EYS: variants seen among roughly 807,000 people sequenced by gnomAD.
EYS encodes the protein protein eyes shut homolog.
Under a neutral mutation model 282.1 loss-of-function variants are expected in EYS, and 250 were observed. That is an observed-to-expected ratio of 0.89 (90% confidence interval 0.80 to 0.98). The LOEUF (loss-of-function observed/expected upper bound fraction) is 0.98. Among genes scored for constraint, EYS ranks in the 50% least tolerant of loss-of-function variants. EYS has a pLI of 0.00. For synonymous variants in EYS, 1,355 were observed against 1,282.9 expected, an observed-to-expected ratio of 1.06 and a Z score of -1.20; for missense variants, 4,016 against 3,709.0, an observed-to-expected ratio of 1.08 and a Z score of -2.15.
chr6:64,238,791 T>C (rs1352093357), intron 30 of EYS, among the ~76,000 whole-genome samples: 1 of 152,210 alleles, frequency 6.6e-6, no homozygotes. Context: ...CTAGGGTATA[T>C]GTGCAGAATG....
chr6:64,890,591 C>A (rs1406285252), intron 18 of EYS, among the ~76,000 whole-genome samples: 1 of 152,080 alleles, frequency 6.6e-6, no homozygotes, highest in Non-Finnish European at 1.5e-5. Flanking sequence ...TGCTTCCATG[C>A]CCATCCTTCA....
rs576200216 is a variant in EYS at position 64,421,199 on chromosome 6, C to T, written c.5927+14975G>A. Among the ~76,000 whole-genome samples, 4 of 152,274 alleles carry T rather than the reference C, an allele frequency of 2.6e-5. No homozygotes were observed. The South Asian group carries it at 8.3e-4, about 32-fold the overall frequency. On this transcript the variant is annotated intron_variant, in intron 28 of 42. Transcript: ENST00000503581. Reference sequence around the variant, plus strand: ...TGGTGGGAGGGGAAGTAAACATGTCCTTCTTCACATGGCAGCAGGAAGGAG... The same window carrying T: ...TGGTGGGAGGGGAAGTAAACATGTCTTTCTTCACATGGCAGCAGGAAGGAG...
At chr6:65,425,790 G>A (rs1767637025) in intron 5 of EYS, among the ~76,000 whole-genome samples, 1 of 151,984 alleles carries the variant, frequency 6.6e-6, no homozygotes, top group Non-Finnish European at 1.5e-5. Flanking sequence ...TCTCTTCCTG[G>A]ATTTAACTGG....
At chr6:64,014,016 T>C (rs919975090) in intron 33 of EYS, among the ~76,000 whole-genome samples, 5 of 152,158 alleles carry the variant, frequency 3.3e-5, no homozygotes, top group African/African-American at 1.2e-4. Context: ...TGGTTTTTAG[T>C]AGTTTTAGGG....
At chr6:65,286,800 G>T (rs1402033526) in intron 12 of EYS, among the ~76,000 whole-genome samples, 1 of 151,624 alleles carries the variant, frequency 6.6e-6, no homozygotes, top group Non-Finnish European at 1.5e-5. Context: ...TGGGCTGCTT[G>T]ATATTTGATT....
chr6:63,768,686 AG>A (rs1284527147), intron 40 of EYS, among the ~76,000 whole-genome samples: 3 of 152,050 alleles, frequency 2.0e-5, no homozygotes, highest in Non-Finnish European at 1.5e-5. Flanking sequence ...TAAAGAACTT[AG>A]AACGACCATT....
intron 22 of EYS, among the ~76,000 whole-genome samples, chr6:64,755,867 C>T (rs1772920824): frequency 6.6e-6 from 1 of 152,068 alleles, no homozygotes. Flanking sequence ...TGTAATAAAG[C>T]TGCACTTGTA....
intron 2 of EYS, among the ~76,000 whole-genome samples, chr6:65,599,434 CT>C (rs745828341): frequency 6.6e-6 from 1 of 152,012 alleles, no homozygotes; most frequent in Non-Finnish European, 1.5e-5. Flanking sequence ...CTTCATCTTG[CT>C]ATCCCAACCG....
intron 31 of EYS, among the ~76,000 whole-genome samples, chr6:64,115,306 G>A (rs374232251): frequency 1.3e-5 from 2 of 152,252 alleles, no homozygotes; most frequent in African/African-American, 2.4e-5. Context: ...CCCTGGAACT[G>A]TAGTCATTGT....
chr6:63,785,160 TAAAG>T (rs1770330574), intron 39 of EYS, among the ~76,000 whole-genome samples: 1 of 152,132 alleles, frequency 6.6e-6, no homozygotes, highest in South Asian at 2.1e-4. Flanking sequence ...AAGAAATAAG[TAAAG>T]AAGTATATTC....
chr6:64,573,851 T>G (rs986353252), intron 26 of EYS, among the ~76,000 whole-genome samples: 1 of 152,124 alleles, frequency 6.6e-6, no homozygotes, highest in Non-Finnish European at 1.5e-5. Flanking sequence ...GTTCAATCAT[T>G]GTGGAAGACA....
chr6:64,453,582 C>T (rs1338252103), intron 26 of EYS, among the ~76,000 whole-genome samples: 1 of 152,048 alleles, frequency 6.6e-6, no homozygotes, highest in African/African-American at 2.4e-5. Context: ...GCACTATTCA[C>T]AATAGCAAAG....
chr6:65,430,322 A>C (rs1286785501), intron 5 of EYS, among the ~76,000 whole-genome samples: 1 of 152,152 alleles, frequency 6.6e-6, no homozygotes, highest in African/African-American at 2.4e-5. Flanking sequence ...CTCATCTGAC[A>C]CCTGCCCACA....
intron 14 of EYS, among the ~76,000 whole-genome samples, chr6:64,950,517 A>G (rs930038387): frequency 6.6e-6 from 1 of 151,608 alleles, no homozygotes; most frequent in African/African-American, 2.4e-5. Context: ...AAAATACATT[A>G]TATAGTTTGA....
At chr6:64,996,271 G>T (rs1490377731) in intron 14 of EYS, among the ~76,000 whole-genome samples, 1 of 151,956 alleles carries the variant, frequency 6.6e-6, no homozygotes, top group African/African-American at 2.4e-5. Flanking sequence ...ACTAATAATA[G>T]ACTAATAGTT....
At chr6:65,382,461 G>GTGTGTGTGTGTGTC (rs1765651872) in intron 8 of EYS, among the ~76,000 whole-genome samples, 1 of 125,044 alleles carries the variant, frequency 8.0e-6, no homozygotes, top group Non-Finnish European at 1.6e-5. Context: ...TTTCCTCTGT[G>GTGTGTGTGTGTGTC]TGTGTGTGTG....
chr6:65,180,788 C>A (rs548992769), intron 12 of EYS, among the ~76,000 whole-genome samples: 11 of 151,650 alleles, frequency 7.3e-5, no homozygotes, highest in Admixed American at 1.3e-4. Context: ...GAGGCATCAC[C>A]CTACCTGACT....
intron 14 of EYS, among the ~76,000 whole-genome samples, chr6:64,961,660 T>A (rs984452748): frequency 1.3e-5 from 2 of 152,090 alleles, no homozygotes; most frequent in East Asian, 3.9e-4. Context: ...CAGAGGGAAT[T>A]TATAAGGCAT....
intron 22 of EYS, among the ~76,000 whole-genome samples, chr6:64,753,972 C>A (rs1351879239): frequency 1.3e-5 from 2 of 151,892 alleles, no homozygotes; most frequent in Non-Finnish European, 2.9e-5. Context: ...TATACAAATA[C>A]AAGGAAATTA....
Sources: gnomAD v4.1 joint callset for allele counts (sites outside exome capture counted in the v4.1 genomes callset) on GRCh38, gnomAD v4.1.1 for gene constraint, MANE v1.5 for transcripts, NCBI Gene and HGNC (gene_info 2026-07-23, HGNC 2026-07-21) for gene names.